KCNH7: variants seen among roughly 807,000 people sequenced by gnomAD.
The protein encoded by KCNH7 is potassium voltage-gated channel subfamily H member 7.
A neutral mutation model predicts 120.8 loss-of-function variants in KCNH7; 49 were observed. That is an observed-to-expected ratio of 0.41 (90% CI 0.32 to 0.51). KCNH7 has a LOEUF of 0.51. Ranked by LOEUF, KCNH7 falls within the 20% of genes least tolerant of loss-of-function variation. The pLI is 0.38. For synonymous variants in KCNH7, 547 were observed against 516.1 expected (o/e 1.06, Z -0.81); for missense variants, 1,097 against 1,446.6 (o/e 0.76, Z 3.92).
intron 6 of KCNH7, among the ~76,000 whole-genome samples, chr2:162,452,077 C>G (rs1029432545): frequency 6.6e-6 from 1 of 151,928 alleles, no homozygotes; most frequent in East Asian, 1.9e-4. Flanking sequence ...ATAGTCTTTA[C>G]CTTTTCAGAG....
At chr2:162,500,531 C>T (rs903773059) in intron 6 of KCNH7, among the ~76,000 whole-genome samples, 3 of 151,794 alleles carry the variant, frequency 2.0e-5, no homozygotes, top group Admixed American at 6.6e-5. Flanking sequence ...TCTAATTTAA[C>T]GTGTAATAGA....
At chr2:162,752,927 AG>A (rs1688623704) in intron 2 of KCNH7, among the ~76,000 whole-genome samples, 2 of 78,558 alleles carry the variant, frequency 2.5e-5, no homozygotes, top group African/African-American at 8.1e-5. Context: ...AGAAAAGAAA[AG>A]AAAAGAAAAG....
At chr2:162,526,574 G>T (rs948479911) in intron 3 of KCNH7, among the ~76,000 whole-genome samples, 1 of 151,944 alleles carries the variant, frequency 6.6e-6, no homozygotes, top group African/African-American at 2.4e-5. Flanking sequence ...AGAATTCAGT[G>T]ATATTTCTCC....
chr2:162,752,924 A>AG (rs1688622299), intron 2 of KCNH7, among the ~76,000 whole-genome samples: 1 of 73,504 alleles, frequency 1.4e-5, no homozygotes, highest in African/African-American at 8.7e-5. Context: ...AAAAGAAAAG[A>AG]AAAGAAAAGA....
In KCNH7 at chr2:162,517,803, T is replaced by C. The variant is rs1010866474; in HGVS notation, c.819A>G (p.Ala273=). The C allele has an allele frequency of 1.2e-6, 2 of 1,606,958 alleles. No homozygotes were observed. Among genetic ancestry groups the C allele is most frequent in the East Asian group, 2.2e-5 (1 of 44,502 alleles). The change falls in exon 4 of 16, where the codon GCA becomes GCG. Residue 273 remains alanine (A), a synonymous_variant. Transcript: ENST00000332142. ...ATCCTTCTATATCATGGACCGAAGA[T>C]GCTCTCCGTATACTACATAAGCTTT... is the stretch of plus-strand genomic sequence containing the variant. ...SRESLCSIRR[A]SSVHDIEGFG...
In KCNH7 at chr2:162,746,978, A is replaced by T. The variant is rs546834472; in HGVS notation, c.307+89559T>A. On this transcript the variant is annotated intron_variant, in intron 2 of 15. Coordinates refer to ENST00000332142, the MANE Select transcript of KCNH7 (RefSeq NM_033272.4). ...ATTAAAAATCTAGATTTTTATGTCC[A>T]CATGAAAGTGATAAAGGAGTCAAAG... 3.3e-5 allele frequency among the ~76,000 whole-genome samples: 5 copies of T among 152,296 alleles called. No homozygotes were observed. In the East Asian group the frequency reaches 5.8e-4, roughly 18 times the overall value.
At chr2:162,534,575 C>T (rs770984678) in intron 3 of KCNH7, among the ~76,000 whole-genome samples, 7 of 151,320 alleles carry the variant, frequency 4.6e-5, no homozygotes, top group Non-Finnish European at 7.4e-5. Context: ...TTGAGTAGAC[C>T]ATTATTAAAG....
intron 2 of KCNH7, among the ~76,000 whole-genome samples, chr2:162,775,972 A>G (rs1328023738): frequency 6.6e-6 from 1 of 152,184 alleles, no homozygotes; most frequent in Admixed American, 6.6e-5. Context: ...TCATAGGAAT[A>G]TTGTGAGGAT....
intron 6 of KCNH7, among the ~76,000 whole-genome samples, chr2:162,467,400 C>T (rs952029445): frequency 2.0e-5 from 3 of 152,158 alleles, no homozygotes; most frequent in Non-Finnish European, 4.4e-5. Flanking sequence ...CGGCCTTGCA[C>T]GGCCTCACAG....
chr2:162,770,681 T>A (rs1172585965), intron 2 of KCNH7, among the ~76,000 whole-genome samples: 1 of 136,394 alleles, frequency 7.3e-6, no homozygotes, highest in Admixed American at 7.2e-5. Context: ...TTTCATCTCA[T>A]GAATCTTTAT....
rs560014160 is a variant in KCNH7, at chr2:162,555,300, T to C, written c.308-18220A>G. 6.6e-5 allele frequency among the ~76,000 whole-genome samples: 10 copies of C among 152,300 alleles called. No homozygotes were observed. In the East Asian group the frequency reaches 1.9e-3, roughly 29 times the overall value. On this transcript the variant is annotated intron_variant, in intron 2 of 15. Transcript: ENST00000332142. ...ACAAACCTCTCTACCACTATTAGTG[T>C]TCAAAGATTCTGCCTAAAGGGATTG...
intron 2 of KCNH7, among the ~76,000 whole-genome samples, chr2:162,633,339 A>C (rs1470397030): frequency 6.6e-6 from 1 of 151,986 alleles, no homozygotes; most frequent in Non-Finnish European, 1.5e-5. Context: ...ATTTAAACCA[A>C]GGTAAAGAAT....
At chr2:162,525,493 A>G (rs751240380) in intron 3 of KCNH7, among the ~76,000 whole-genome samples, 1 of 151,886 alleles carries the variant, frequency 6.6e-6, no homozygotes, top group Non-Finnish European at 1.5e-5. Flanking sequence ...TAGGGTTAAA[A>G]TCTCTCAGTG....
At position 162,504,438 on chromosome 2, in the gene KCNH7, C is replaced by T. The variant is rs1377207012; in HGVS notation, c.1128+5G>A. The T allele has an allele frequency of 1.9e-6, 3 of 1,602,700 alleles. No individual in the cohort carries two copies. The highest frequency in any genetic ancestry group is 2.6e-6 in the Non-Finnish European group (3 of 1,170,282). On this transcript the variant is annotated splice_donor_5th_base_variant and intron_variant, in intron 6 of 15. Transcript: ENST00000332142. ...GTTGAAATTGATAAGAAAATTGTGT[C>T]CTACCTGGGTCACTTTCTCAGTCAC...
intron 2 of KCNH7, among the ~76,000 whole-genome samples, chr2:162,568,816 A>G (rs1043507928): frequency 2.6e-5 from 4 of 152,092 alleles, no homozygotes; most frequent in Non-Finnish European, 4.4e-5. Context: ...TGCATGTATA[A>G]CATAAATGTA....
intron 2 of KCNH7, among the ~76,000 whole-genome samples, chr2:162,597,080 C>T (rs1208383877): frequency 6.6e-6 from 1 of 152,006 alleles, no homozygotes; most frequent in African/African-American, 2.4e-5. Flanking sequence ...AAAGTCCGAG[C>T]CTTGTACACT....
intron 6 of KCNH7, among the ~76,000 whole-genome samples, chr2:162,465,899 T>C (rs867203816): frequency 3.4e-4 from 52 of 152,296 alleles, no homozygotes; most frequent in African/African-American, 1.3e-3. Flanking sequence ...TTAAACTCCA[T>C]CATCAATATT....
chr2:162,698,820 T>C (rs1686389830), intron 2 of KCNH7, among the ~76,000 whole-genome samples: 1 of 152,138 alleles, frequency 6.6e-6, no homozygotes, highest in Admixed American at 6.6e-5. Context: ...ATACCCCCTA[T>C]GTTATAATTA....
At chr2:162,372,507 A>G (rs1685991807) in intron 15 of KCNH7, among the ~76,000 whole-genome samples, 1 of 152,150 alleles carries the variant, frequency 6.6e-6, no homozygotes, top group African/African-American at 2.4e-5. Context: ...GTCAGATAAT[A>G]TTACCTAAAT....
Sources: gnomAD v4.1 joint callset for allele counts (sites outside exome capture counted in the v4.1 genomes callset) on GRCh38, gnomAD v4.1.1 for gene constraint, MANE v1.5 for transcripts, NCBI Gene and HGNC (gene_info 2026-07-23, HGNC 2026-07-21) for gene names.